Variants in HTR7 observed in about 807,000 individuals in gnomAD.
HTR7 encodes 5-hydroxytryptamine receptor 7.
A neutral mutation model predicts 34.0 loss-of-function variants in HTR7; 16 were observed. The ratio of observed to expected loss-of-function variants is 0.47; its 90% CI spans 0.32 to 0.71. The LOEUF is 0.71. Ranked by LOEUF, HTR7 falls within the 30% of genes least tolerant of loss-of-function variation. The pLI is 0.04. For synonymous variants in HTR7, 265 were observed against 260.2 expected (o/e 1.02, Z -0.18); for missense variants, 504 against 625.5 (o/e 0.81, Z 2.07).
chr10:90,770,687 C>G (rs1845095719), intron 1 of HTR7, among the ~76,000 whole-genome samples: 1 of 152,236 alleles, frequency 6.6e-6, no homozygotes, highest in Admixed American at 6.5e-5. Context: ...AGACATTGGG[C>G]ACCAACAAGC....
intron 2 of HTR7, among the ~76,000 whole-genome samples, chr10:90,746,656 C>T (rs1362906681): frequency 6.6e-6 from 1 of 152,160 alleles, no homozygotes; most frequent in Non-Finnish European, 1.5e-5. Context: ...TATATGCCAA[C>T]AAAAATAGCC....
At chr10:90,802,719 T>C (rs1340819425) in intron 1 of HTR7, among the ~76,000 whole-genome samples, 2 of 152,266 alleles carry the variant, frequency 1.3e-5, no homozygotes, top group East Asian at 1.9e-4. Flanking sequence ...CTGCCTGCTT[T>C]TGATTCCATG....
chr10:90,811,533 G>A (rs1433451893), intron 1 of HTR7, among the ~76,000 whole-genome samples: 1 of 152,056 alleles, frequency 6.6e-6, no homozygotes, highest in South Asian at 2.1e-4. Context: ...CACCAGCAAA[G>A]GCAGGCTATG....
At chr10:90,824,733 C>A (rs1846043379) in intron 1 of HTR7, among the ~76,000 whole-genome samples, 1 of 152,240 alleles carries the variant, frequency 6.6e-6, no homozygotes, top group Non-Finnish European at 1.5e-5. Flanking sequence ...GGTAGCCTGG[C>A]AGTATTCCTC....
At chr10:90,796,112 G>T (rs899362729) in intron 1 of HTR7, among the ~76,000 whole-genome samples, 15 of 152,150 alleles carry the variant, frequency 9.9e-5, no homozygotes, top group Non-Finnish European at 2.1e-4. Context: ...GTATAATGAG[G>T]CATGTCCAAC....
chr10:90,744,597 G>A (rs1212626431), intron 2 of HTR7, among the ~76,000 whole-genome samples: 3 of 150,652 alleles, frequency 2.0e-5, no homozygotes, highest in Non-Finnish European at 4.4e-5. Context: ...GCGGGGGGTT[G>A]CTGGCCTGTA....
At chr10:90,777,744 G>A (rs1006328088) in intron 1 of HTR7, among the ~76,000 whole-genome samples, 23 of 152,198 alleles carry the variant, frequency 1.5e-4, no homozygotes, top group African/African-American at 5.3e-4. Flanking sequence ...AACAAAACCA[G>A]ATAACCAGCA....
chr10:90,844,451 C>T (rs1042425825), intron 1 of HTR7, among the ~76,000 whole-genome samples: 4 of 151,770 alleles, frequency 2.6e-5, no homozygotes, highest in East Asian at 1.9e-4. Context: ...TCTGGCCGGG[C>T]GCAGTGGCTT....
chr10:90,847,571 T>C lies in HTR7; in HGVS notation c.539+9562A>G, dbSNP rs536345112. On this transcript the variant is annotated intron_variant, in intron 1 of 3. Transcript: ENST00000336152. Reference sequence around the variant, plus strand: ...GCCAGAATGCACCCTGCCCTGCTGATTGAAGCAGAATTAAAGCCAAAAGCA... The same window carrying C: ...GCCAGAATGCACCCTGCCCTGCTGACTGAAGCAGAATTAAAGCCAAAAGCA... Among the ~76,000 whole-genome samples the C allele has an allele frequency of 2.6e-4, 40 of 152,264 alleles. 1 individual carries two copies. In the South Asian group the frequency reaches 8.1e-3, roughly 31 times the overall value.
intron 1 of HTR7, among the ~76,000 whole-genome samples, chr10:90,799,330 C>T (rs565964522): frequency 2.8e-5 from 4 of 144,928 alleles, no homozygotes; most frequent in East Asian, 4.1e-4. Context: ...CCCGCACAGC[C>T]GGCTCTGCAT....
intron 1 of HTR7, among the ~76,000 whole-genome samples, chr10:90,818,188 G>A (rs1380326029): frequency 1.3e-5 from 2 of 152,260 alleles, no homozygotes; most frequent in Admixed American, 6.5e-5. Flanking sequence ...GTCATTGAGG[G>A]CCCTGCCTTT....
intron 1 of HTR7, among the ~76,000 whole-genome samples, chr10:90,826,952 T>A (rs1174472205): frequency 6.6e-6 from 1 of 151,126 alleles, no homozygotes; most frequent in Non-Finnish European, 1.5e-5. Flanking sequence ...ATAAAAATAA[T>A]AATAATAATA....
rs537094339 is a variant in HTR7 at position 90,821,603 on chromosome 10, G to A, written c.539+35530C>T. Among the ~76,000 whole-genome samples the A allele has an allele frequency of 6.3e-4, 96 of 152,292 alleles. 5 individuals carry two copies. The South Asian group carries it at 0.02, about 32-fold the overall frequency. On this transcript the variant is annotated intron_variant, in intron 1 of 3. Coordinates refer to ENST00000336152, the MANE Select transcript of HTR7 (RefSeq NM_019859.4). ...CAAGGCAATTCCTAGTGCTGTGCTGGGTTCAAGGCCAGTGGACTTCGGGGA... is the reference window on the plus strand; with the variant it reads ...CAAGGCAATTCCTAGTGCTGTGCTGAGTTCAAGGCCAGTGGACTTCGGGGA...
intron 1 of HTR7, among the ~76,000 whole-genome samples, chr10:90,839,067 G>T (rs950976334): frequency 1.3e-5 from 2 of 152,150 alleles, no homozygotes; most frequent in Admixed American, 1.3e-4. Flanking sequence ...GATAAATCCT[G>T]TATAACTCAC....
chr10:90,785,838 G>C (rs920142364), intron 1 of HTR7, among the ~76,000 whole-genome samples: 2 of 152,206 alleles, frequency 1.3e-5, no homozygotes, highest in African/African-American at 2.4e-5. Context: ...ATTGGGCCAA[G>C]AATACAGCAA....
chr10:90,805,503 C>T (rs1300246677), intron 1 of HTR7, among the ~76,000 whole-genome samples: 11 of 152,174 alleles, frequency 7.2e-5, no homozygotes, highest in African/African-American at 2.4e-4. Context: ...ACATAACAAA[C>T]CTTGCTTGCC....
At chr10:90,814,386 T>C (rs1250214193) in intron 1 of HTR7, among the ~76,000 whole-genome samples, 2 of 152,214 alleles carry the variant, frequency 1.3e-5, no homozygotes, top group Non-Finnish European at 2.9e-5. Context: ...GGGCACCCTA[T>C]GTAATGCTAC....
intron 1 of HTR7, among the ~76,000 whole-genome samples, chr10:90,789,537 C>T (rs1006272061): frequency 4.0e-5 from 6 of 149,884 alleles, no homozygotes; most frequent in African/African-American, 1.5e-4. Flanking sequence ...ATCCAAGTGC[C>T]GAGACATGAT....
rs1007161378 is a variant in HTR7, at chr10:90,858,001, G to C, written c.-330C>G. 3.3e-5 allele frequency among the ~76,000 whole-genome samples: 5 copies of C among 150,232 alleles called. No individual in the cohort carries two copies. The highest frequency in any genetic ancestry group is 1.2e-4 in the African/African-American group (5 of 41,154). The stretch of plus-strand genomic sequence containing the variant: ...TTCGCAGCAGCAGCTCGGCTGCGCC[G>C]AGAGCGCCCGGGCGGCAGCGGCAGA... On this transcript the variant is annotated 5_prime_UTR_variant, in exon 1 of 4. Transcript: ENST00000336152.
Sources: allele counts gnomAD v4.1 joint callset (sites outside exome capture counted in the v4.1 genomes callset), GRCh38; gene constraint gnomAD v4.1.1; transcripts MANE v1.5; gene names NCBI Gene and HGNC (gene_info 2026-07-23, HGNC 2026-07-21).